The following PLB1 variants were observed in gnomAD, a reference collection of about 807,000 sequenced individuals.
PLB1 encodes the protein phospholipase B1, membrane-associated.
PLB1 carries 242 observed loss-of-function variants against 227.4 expected under a neutral mutation model. That is an observed-to-expected ratio of 1.06 (90% CI 0.96 to 1.18). The LOEUF (loss-of-function observed/expected upper bound fraction) is 1.18. Among genes scored for constraint, PLB1 ranks in the 50% most tolerant of loss-of-function variants. PLB1 has a pLI of 0.00. For synonymous variants in PLB1, 757 were observed against 682.2 expected (o/e 1.11, Z -1.71); for missense variants, 1,858 against 1,816.3 (o/e 1.02, Z -0.42).
intron 26 of PLB1, among the ~76,000 whole-genome samples, chr2:28,588,123 T>C (rs1275823680): frequency 6.6e-6 from 1 of 152,096 alleles, no homozygotes; most frequent in East Asian, 1.9e-4. Context: ...TCCCTGGAGA[T>C]GATCATTTCT....
At chr2:28,498,358 G>C (rs1200374650) in intron 1 of PLB1, among the ~76,000 whole-genome samples, 3 of 150,646 alleles carry the variant, frequency 2.0e-5, no homozygotes, top group African/African-American at 7.3e-5. Context: ...CAAGTAGCTG[G>C]GACCACACAC....
intron 29 of PLB1, among the ~76,000 whole-genome samples, chr2:28,590,729 A>G (rs13400414): frequency 0.29 from 44,500 of 151,816 alleles, 7,066 homozygotes; most frequent in African/African-American, 0.41. Flanking sequence ...TTGCCTGGGC[A>G]GGAAGGGGCC....
At position 28,540,292 on chromosome 2, in the gene PLB1, G is replaced by T. The variant is rs76335993; in HGVS notation, c.699-74G>T. On this transcript the variant is annotated intron_variant, in intron 11 of 57. Transcript: ENST00000327757. ...CTCCTATGCCCCTTCTTCCATAAGA[G>T]GCGGGCTGGATGCATCCCCTTCCCT... 1,639 of 1,243,420 alleles carry T rather than the reference G, an allele frequency of 1.3e-3. 23 individuals are homozygous for T. In the East Asian group the frequency reaches 0.028, roughly 21 times the overall value. The allele number at this position is 1,243,420 out of a possible 1,614,324, so 77.0% of individuals were successfully genotyped here. A position where few individuals can be genotyped will look rare whatever the true frequency, so the allele number is the denominator to read the frequency against.
intron 6 of PLB1, 88 bp downstream of exon 6, chr2:28,526,033 C>A: frequency 6.9e-7 from 1 of 1,449,350 alleles, no homozygotes; most frequent in Non-Finnish European, 9.6e-7. Context: ...GAATGGACAC[C>A]ACCAGCCACT....
intron 26 of PLB1, 68 bp from the exon 27 acceptor site, chr2:28,589,380 AAG>A: frequency 2.6e-6 from 3 of 1,160,910 alleles, no homozygotes; most frequent in Admixed American, 1.7e-5. Context: ...GTGTTGGAGA[AAG>A]AGATCAATCA....
chr2:28,549,805 A>T (rs1673934956), intron 15 of PLB1, among the ~76,000 whole-genome samples: 1 of 152,182 alleles, frequency 6.6e-6, no homozygotes, highest in Non-Finnish European at 1.5e-5. Context: ...AGCAAGAGAG[A>T]CTGGCTATCA....
At chr2:28,552,449 G>C (rs1558740913) in intron 16 of PLB1, among the ~76,000 whole-genome samples, 1 of 152,220 alleles carries the variant, frequency 6.6e-6, no homozygotes, top group Admixed American at 6.5e-5. Flanking sequence ...TAACTTATTT[G>C]TTCAACTAAC....
chr2:28,637,148 C>T (rs1279645435), intron 56 of PLB1, among the ~76,000 whole-genome samples: 1 of 151,950 alleles, frequency 6.6e-6, no homozygotes, highest in Non-Finnish European at 1.5e-5. Context: ...ACAAAATTAG[C>T]CAAGCGTGGT....
rs1266742457 is a variant in PLB1, at chr2:28,614,214, T to TGGGGA, written c.3195+119_3195+123dup. 6.9e-6 allele frequency: 7 copies of TGGGGA among 1,017,432 alleles called. No individual in the cohort carries two copies. The Admixed American group carries it at 1.2e-4, about 18-fold the overall frequency. 63.0% of individuals were successfully genotyped at this position (1,017,432 alleles called of 1,614,324 possible). A position where few individuals can be genotyped will look rare whatever the true frequency, so the allele number is the denominator to read the frequency against. On this transcript the variant is annotated intron_variant, in intron 44 of 57. Coordinates refer to ENST00000327757, the MANE Select transcript of PLB1 (RefSeq NM_153021.5). Reference sequence around the variant, plus strand: ...AAGCAGAAATGTACTTCTTACATACTGGGGATTGGAATGTACAGAAAAGGC... The same window carrying TGGGGA: ...AAGCAGAAATGTACTTCTTACATACTGGGGAGGGGATTGGAATGTACAGAAAAGGC...
intron 14 of PLB1, among the ~76,000 whole-genome samples, chr2:28,545,460 C>T (rs781478713): frequency 2.6e-5 from 4 of 152,172 alleles, no homozygotes; most frequent in South Asian, 2.1e-4. Context: ...CCATGAGAAG[C>T]GACGGGTATA....
chr2:28,559,879 A>G (rs1315048078), intron 17 of PLB1, among the ~76,000 whole-genome samples: 1 of 150,338 alleles, frequency 6.7e-6, no homozygotes, highest in African/African-American at 2.4e-5. Flanking sequence ...AGCCTCCCAA[A>G]TAGCTGGGAC....
chr2:28,595,164 G>T (rs77481955), intron 33 of PLB1: 2 of 152,200 alleles, frequency 1.3e-5, no homozygotes, highest in Admixed American at 1.3e-4. Context: ...TTTCTGCAGC[G>T]ATGGGAAAAT....
intron 57 of PLB1, 37 bp downstream of exon 57, chr2:28,641,038 T>C: frequency 6.3e-7 from 1 of 1,590,560 alleles, no homozygotes; most frequent in Non-Finnish European, 8.6e-7. Context: ...GTGGAACAGA[T>C]GCCTGGGGTG....
At chr2:28,591,268 A>G (rs2148284739) in intron 30 of PLB1, 97 bp downstream of exon 30, 2 of 1,501,478 alleles carry the variant, frequency 1.3e-6, no homozygotes, top group East Asian at 2.3e-5. Flanking sequence ...AAAGCGGGCA[A>G]GAGTTCTAGA....
intron 32 of PLB1, among the ~76,000 whole-genome samples, chr2:28,593,061 A>G (rs773655102): frequency 6.6e-6 from 1 of 152,140 alleles, no homozygotes; most frequent in Non-Finnish European, 1.5e-5. Context: ...TATGCTTTAT[A>G]ATCAGCTGAG....
At chr2:28,606,355 C>A in intron 42 of PLB1, 141 bp from the exon 43 acceptor site, 1 of 788,350 alleles carries the variant, frequency 1.3e-6, no homozygotes, top group Admixed American at 2.6e-5. Flanking sequence ...CCACGGCTGG[C>A]AACTGGCAGA....
chr2:28,555,622 C>T (rs955657903), intron 17 of PLB1, among the ~76,000 whole-genome samples: 6 of 152,124 alleles, frequency 3.9e-5, no homozygotes, highest in Non-Finnish European at 5.9e-5. Flanking sequence ...TGATATATGT[C>T]TTATAAGAGG....
chr2:28,565,342 C>A lies in PLB1; in HGVS notation c.1269C>A (p.Gly423=), dbSNP rs748954529. ...NVLDVLTQYR[G]LSWSVGGDEN... Reference sequence around the variant, plus strand: ...TGGACGTCTTGACTCAGTACCGAGGCCTGTCCTGGAGGTGAGTGAGGGTGT... The same window carrying A: ...TGGACGTCTTGACTCAGTACCGAGGACTGTCCTGGAGGTGAGTGAGGGTGT... Residue 423 remains glycine (G), a synonymous_variant, in exon 19 of 58, where the codon GGC becomes GGA. Coordinates refer to ENST00000327757, the MANE Select transcript of PLB1 (RefSeq NM_153021.5). 7 of 1,608,618 alleles carry A rather than the reference C, an allele frequency of 4.4e-6. No homozygotes were observed. The African/African-American group carries it at 6.7e-5, about 15-fold the overall frequency.
At chr2:28,621,545 GACA>G (rs1687056807) in intron 49 of PLB1, among the ~76,000 whole-genome samples, 1 of 152,196 alleles carries the variant, frequency 6.6e-6, no homozygotes, top group African/African-American at 2.4e-5. Context: ...TTCTGTTGTT[GACA>G]ACAACTCAGA....
Sources: gnomAD v4.1 joint callset for allele counts (sites outside exome capture counted in the v4.1 genomes callset) on GRCh38, gnomAD v4.1.1 for gene constraint, MANE v1.5 for transcripts, NCBI Gene and HGNC (gene_info 2026-07-23, HGNC 2026-07-21) for gene names.